EFCAB11: variants seen among roughly 807,000 people sequenced by gnomAD.
EFCAB11 encodes EF-hand calcium binding domain 11, also known as EF-hand calcium-binding domain-containing protein 11.
A neutral mutation model predicts 23.0 loss-of-function variants in EFCAB11; 14 were observed. The observed-to-expected ratio is 0.61, with a 90% CI of 0.40 to 0.95. The LOEUF (loss-of-function observed/expected upper bound fraction) is 0.95, where lower values mean the gene tolerates loss of function less well. EFCAB11 is among the 40% of genes least tolerant of loss of function. The pLI is 0.00. For missense variants in EFCAB11, 198 were observed against 195.8 expected (o/e 1.01, Z -0.07); for synonymous variants, 65 against 66.6 (o/e 0.98, Z 0.11).
intron 5 of EFCAB11, among the ~76,000 whole-genome samples, chr14:89,919,204 C>CAGAGAG (rs61549850): frequency 3.4e-5 from 5 of 147,654 alleles, no homozygotes; most frequent in Admixed American, 2.0e-4. Flanking sequence ...GAGAGAGAGA[C>CAGAGAG]AGAGAGAGAG....
At chr14:89,860,258 G>T (rs1336567890) in intron 5 of EFCAB11, among the ~76,000 whole-genome samples, 1 of 152,090 alleles carries the variant, frequency 6.6e-6, no homozygotes. Flanking sequence ...CTGTTACTCG[G>T]GAGACTGAGG....
At position 89,826,667 on chromosome 14, in the gene EFCAB11, T is replaced by C. The variant is rs1886701386; in HGVS notation, c.411-29343A>G. Reference sequence around the variant, plus strand: ...GTGAAATAATTTGAGATTTGCCAGATATGACTTGAGCTGAGTGTTTAAAGA... The same window carrying C: ...GTGAAATAATTTGAGATTTGCCAGACATGACTTGAGCTGAGTGTTTAAAGA... On this transcript the variant is annotated intron_variant, in intron 5 of 5. Coordinates refer to ENST00000316738, the MANE Select transcript of EFCAB11 (RefSeq NM_145231.4). Among the ~76,000 whole-genome samples, 4 of 152,136 alleles carry C rather than the reference T, an allele frequency of 2.6e-5. No individual in the cohort carries two copies. In the South Asian group the frequency reaches 8.3e-4, roughly 32 times the overall value.
intron 5 of EFCAB11, among the ~76,000 whole-genome samples, chr14:89,823,681 A>G (rs1473786950): frequency 1.3e-5 from 2 of 152,208 alleles, no homozygotes; most frequent in Non-Finnish European, 2.9e-5. Flanking sequence ...ACTTTTAATT[A>G]TAAGTATGCT....
chr14:89,901,697 A>T (rs1889342447), intron 5 of EFCAB11, among the ~76,000 whole-genome samples: 1 of 152,234 alleles, frequency 6.6e-6, no homozygotes. Context: ...GTACAGGGAC[A>T]TAAATATATA....
intron 5 of EFCAB11, among the ~76,000 whole-genome samples, chr14:89,928,527 A>G (rs893941795): frequency 6.6e-6 from 1 of 151,220 alleles, no homozygotes; most frequent in Admixed American, 6.6e-5. Flanking sequence ...CATGCCACTG[A>G]CTCCATCCTC....
chr14:89,886,413 G>A (rs1839313208), intron 5 of EFCAB11, among the ~76,000 whole-genome samples: 1 of 151,060 alleles, frequency 6.6e-6, no homozygotes, highest in African/African-American at 2.4e-5. Context: ...AGCTATTCGG[G>A]AGGCTGAGGC....
chr14:89,905,767 A>G (rs756870412), intron 5 of EFCAB11, among the ~76,000 whole-genome samples: 2 of 152,220 alleles, frequency 1.3e-5, no homozygotes, highest in Non-Finnish European at 2.9e-5. Context: ...TAGCCTGTAC[A>G]TTTAGTTGGG....
chr14:89,860,956 T>C (rs1323807550), intron 5 of EFCAB11, among the ~76,000 whole-genome samples: 1 of 152,250 alleles, frequency 6.6e-6, no homozygotes, highest in African/African-American at 2.4e-5. Context: ...CTTTGCCATC[T>C]GGTACCCACT....
chr14:89,814,744 C>T (rs149144323), intron 5 of EFCAB11, among the ~76,000 whole-genome samples: 9 of 151,972 alleles, frequency 5.9e-5, no homozygotes, highest in African/African-American at 2.2e-4. Flanking sequence ...TTTCATTTTA[C>T]AGATGGGAAA....
At chr14:89,891,772 A>G (rs942565596) in intron 5 of EFCAB11, among the ~76,000 whole-genome samples, 1 of 152,312 alleles carries the variant, frequency 6.6e-6, no homozygotes, top group African/African-American at 2.4e-5. Context: ...CATTAAAAAG[A>G]TAATAGGATA....
At chr14:89,858,763 T>C (rs1887832526) in intron 5 of EFCAB11, among the ~76,000 whole-genome samples, 1 of 150,966 alleles carries the variant, frequency 6.6e-6, no homozygotes, top group Non-Finnish European at 1.5e-5. Flanking sequence ...GCCTCCCACT[T>C]GAGCCACTGT....
chr14:89,900,673 A>G (rs1426705836), intron 5 of EFCAB11, among the ~76,000 whole-genome samples: 1 of 152,204 alleles, frequency 6.6e-6, no homozygotes, highest in East Asian at 1.9e-4. Flanking sequence ...ATTTTATTCT[A>G]AACAGGAGGA....
At chr14:89,817,689 T>G (rs1370433447) in intron 5 of EFCAB11, among the ~76,000 whole-genome samples, 1 of 151,928 alleles carries the variant, frequency 6.6e-6, no homozygotes, top group East Asian at 1.9e-4. Flanking sequence ...CACGAGAAAA[T>G]TACAAGTAAA....
At chr14:89,914,611 C>A (rs780098241) in intron 5 of EFCAB11, among the ~76,000 whole-genome samples, 2 of 151,956 alleles carry the variant, frequency 1.3e-5, no homozygotes, top group African/African-American at 4.8e-5. Flanking sequence ...ATGGTGAAAC[C>A]CCGTCTCTAC....
rs187889169 is a variant in EFCAB11 at position 89,816,186 on chromosome 14, T to G, written c.411-18862A>C. Among the ~76,000 whole-genome samples, 760 of 152,336 alleles carry G rather than the reference T, an allele frequency of 5.0e-3. 3 individuals carry two copies. Among genetic ancestry groups the G allele is most frequent in the South Asian group, 8.3e-3 (40 of 4,826 alleles). ...TTGCTTCCTTGATTTCCTTTCAGTT[T>G]GTTCACTGTTGGCATATATAAATGG... On this transcript the variant is annotated intron_variant, in intron 5 of 5. Transcript: ENST00000316738.
intron 5 of EFCAB11, among the ~76,000 whole-genome samples, chr14:89,826,832 G>A (rs1220905656): frequency 6.6e-6 from 1 of 152,026 alleles, no homozygotes; most frequent in Non-Finnish European, 1.5e-5. Context: ...CTAGCTTCAG[G>A]CACTTCTTCA....
intron 1 of EFCAB11, chr14:89,954,229 A>G: frequency 1.8e-6 from 2 of 1,115,194 alleles, no homozygotes; most frequent in Non-Finnish European, 2.6e-6. Context: ...GTTAACCGCT[A>G]GGTGACGCAA....
chr14:89,835,643 T>TGTGTGTGTGTGTGTGTGTGTGTGTGTG (rs1491344939), intron 5 of EFCAB11, among the ~76,000 whole-genome samples: 5 of 138,818 alleles, frequency 3.6e-5, no homozygotes, highest in African/African-American at 8.0e-5. Context: ...TGTGTGTGTG[T>TGTGTGTGTGTGTGTGTGTGTGTGTGTG]TTGAGACGTT....
intron 5 of EFCAB11, among the ~76,000 whole-genome samples, chr14:89,929,148 G>C (rs1469728538): frequency 6.7e-6 from 1 of 149,844 alleles, no homozygotes; most frequent in Non-Finnish European, 1.5e-5. Context: ...CTGGGCTCAA[G>C]AGATCCTCCC....
Sources: gnomAD v4.1 joint callset for allele counts (sites outside exome capture counted in the v4.1 genomes callset) on GRCh38, gnomAD v4.1.1 for gene constraint, MANE v1.5 for transcripts, NCBI Gene and HGNC (gene_info 2026-07-23, HGNC 2026-07-21) for gene names.